ITGB6: variants seen among roughly 807,000 people sequenced by gnomAD.
ITGB6 encodes integrin beta-6.
A neutral mutation model predicts 84.5 loss-of-function variants in ITGB6; 80 were observed. The observed-to-expected ratio is 0.95, with a 90% CI of 0.79 to 1.14. The LOEUF is 1.14. Among genes scored for constraint, ITGB6 ranks in the 50% most tolerant of loss-of-function variants. The pLI is 0.00. For missense variants in ITGB6, 1,006 were observed against 968.0 expected (o/e 1.04, Z -0.52); for synonymous variants, 383 against 354.9 (o/e 1.08, Z -0.89).
Position 160,190,355 on chromosome 2 carries a change from T to TA in ITGB6, c.593+5013dup, listed in dbSNP as rs953349227. ...TGTACCCTAAAACTTAAAGTATAATTAAAAAAAAAACACTCTTTGTGATTG... is the reference window on the plus strand; with the variant it reads ...TGTACCCTAAAACTTAAAGTATAATTAAAAAAAAAAACACTCTTTGTGATTG... On this transcript the variant is annotated intron_variant, in intron 4 of 14. Transcript: ENST00000283249. Among the ~76,000 whole-genome samples the TA allele has an allele frequency of 2.1e-3, 310 of 147,614 alleles. 1 individual carries two copies. Among genetic ancestry groups the TA allele is most frequent in the African/African-American group, 6.0e-3 (240 of 40,328 alleles).
chr2:160,126,752 A>G (rs1683261904), intron 10 of ITGB6, 151 bp from the exon 11 acceptor site: 2 of 657,762 alleles, frequency 3.0e-6, no homozygotes, highest in Non-Finnish European at 2.6e-6. Context: ...GGGGTGCAGT[A>G]TGAGTGTAGA....
chr2:160,166,693 T>C (rs1685011487), intron 7 of ITGB6, among the ~76,000 whole-genome samples: 2 of 152,216 alleles, frequency 1.3e-5, no homozygotes, highest in African/African-American at 2.4e-5. Flanking sequence ...ATTATCATCA[T>C]TATCTTTCGA....
chr2:160,196,199 G>A lies in ITGB6; in HGVS notation c.346+17C>T. 1 of 1,608,106 alleles carries A rather than the reference G, an allele frequency of 6.2e-7. No individual in the cohort carries two copies. Among genetic ancestry groups the A allele is most frequent in the African/African-American group, 1.3e-5 (1 of 74,906 alleles). The stretch of plus-strand genomic sequence containing the variant: ...TATGACATTAGATCTATTTACATGA[G>A]CCAAATCCTAACATACCTGGTCTCA... On this transcript the variant is annotated intron_variant, in intron 3 of 14. Transcript: ENST00000283249.
In ITGB6 at chr2:160,101,826, A is replaced by G. The variant is rs1233314923; in HGVS notation, c.2277T>C (p.Asn759=). 6.8e-6 allele frequency: 10 copies of G among 1,478,332 alleles called. No individual in the cohort carries two copies. Among genetic ancestry groups the G allele is most frequent in the Non-Finnish European group, 9.1e-6 (10 of 1,101,346 alleles). 91.6% of individuals were successfully genotyped at this position (1,478,332 alleles called of 1,614,324 possible). Residue 759 remains asparagine, a synonymous_variant, in exon 15 of 15, where the codon AAT becomes AAC. Coordinates refer to ENST00000283249, the MANE Select transcript of ITGB6 (RefSeq NM_000888.5). ...TACTTGTGGATCCTCTGTAGAGTGG[A>G]TTGGTTCCCTGGAAAAAAAAAAAAG... ...RSKAKWQTGT[N]PLYRGSTSTF... is the part of the protein sequence containing the mutation.
At chr2:160,114,648 A>T (rs1305809565) in intron 12 of ITGB6, among the ~76,000 whole-genome samples, 1 of 152,164 alleles carries the variant, frequency 6.6e-6, no homozygotes, top group East Asian at 1.9e-4. Context: ...AGTGCCAGAC[A>T]GTGGGTGCAG....
At position 160,137,691 on chromosome 2, in the gene ITGB6, T is replaced by C. The variant is rs1277804797; in HGVS notation, c.1403A>G (p.His468Arg). Reference protein sequence around the residue: ...KEVEVNSSKCHHGNGSFQCGV... With the variant: ...KEVEVNSSKCRHGNGSFQCGV... ...ACACTGGAAAGAGCCGTTCCCGTGG[T>C]GACATTTGGAGCTGTTCACTTCCAC... The change falls in exon 10 of 15, where the codon CAC becomes CGC. Residue 468 changes from histidine (H) to arginine (R), a missense_variant. By Grantham distance (29) the His-to-Arg change is conservative. Transcript: ENST00000283249. The C allele has an allele frequency of 6.2e-7, 1 of 1,614,178 alleles. No individual in the cohort carries two copies. Among genetic ancestry groups the C allele is most frequent in the East Asian group, 2.2e-5 (1 of 44,880 alleles).
At chr2:160,172,466 A>T in intron 6 of ITGB6, 103 bp downstream of exon 6, 1 of 1,126,794 alleles carries the variant, frequency 8.9e-7, no homozygotes, top group African/African-American at 1.5e-5. Flanking sequence ...GAAAATGTGC[A>T]CTGCTTTCAC....
chr2:160,119,644 A>G (rs1177731111), intron 12 of ITGB6, among the ~76,000 whole-genome samples: 2 of 152,174 alleles, frequency 1.3e-5, no homozygotes, highest in Admixed American at 1.3e-4. Flanking sequence ...AGCAATGGCA[A>G]CAAAAGTCAA....
In ITGB6 at chr2:160,172,715, G is replaced by A. The variant is rs149747755; in HGVS notation, c.775C>T (p.Arg259Trp). The A allele has an allele frequency of 2.2e-5, 35 of 1,593,140 alleles. No homozygotes were observed. The East Asian group carries it at 3.2e-4, about 14-fold the overall frequency. Residue 259 changes from arginine to tryptophan, a missense_variant, in exon 6 of 15, where the codon CGG becomes TGG. Transcript: ENST00000283249. ...AAVCKEKIGWRNDSLHLLVFV... is the reference protein window; with the variant it reads ...AAVCKEKIGWWNDSLHLLVFV... ...ACCAGGAGGTGGAGGGAGTCATTCC[G>A]CCAGCCAATTTTTTCCTACAGTGAG...
intron 12 of ITGB6, among the ~76,000 whole-genome samples, chr2:160,123,406 C>G (rs772944949): frequency 2.0e-5 from 3 of 152,086 alleles, no homozygotes; most frequent in Non-Finnish European, 2.9e-5. Flanking sequence ...TTTATCTTAT[C>G]TTGAAATAAA....
rs1171286043 is a variant in ITGB6, at chr2:160,172,464, G to C, written c.921+105C>G. On this transcript the variant is annotated intron_variant, in intron 6 of 14. Transcript: ENST00000283249. ...TTGTTAATCCCACATTAGAAAATGT[G>C]CACTGCTTTCACCAAGTGTATGTTA... 13 of 1,095,318 alleles carry C rather than the reference G, an allele frequency of 1.2e-5. No individual in the cohort carries two copies. In the Admixed American group the frequency reaches 2.6e-4, roughly 22 times the overall value. The allele number at this position is 1,095,318 out of a possible 1,614,324, so 67.8% of individuals were successfully genotyped here.
At chr2:160,123,748 G>A (rs765248858) in intron 12 of ITGB6, 43 bp downstream of exon 12, 2 of 1,478,426 alleles carry the variant, frequency 1.4e-6, no homozygotes, top group African/African-American at 2.8e-5. Context: ...CGCCTCTCAA[G>A]AACTACATAA....
intron 6 of ITGB6, among the ~76,000 whole-genome samples, chr2:160,171,329 ATTTTTTTATTTTTT>A (rs1685191975): frequency 8.1e-6 from 1 of 123,932 alleles, no homozygotes; most frequent in South Asian, 2.7e-4. Flanking sequence ...AATCAAATTT[ATTTTTTTATTTTTT>A]TTTTTTTTGG....
rs141979947 is a variant in ITGB6, at chr2:160,125,240, C to T, written c.1883+1139G>A. Among the ~76,000 whole-genome samples the T allele has an allele frequency of 8.6e-4, 131 of 152,300 alleles. 1 individual carries two copies. Among genetic ancestry groups the T allele is most frequent in the African/African-American group, 3.0e-3 (124 of 41,560 alleles). On this transcript the variant is annotated intron_variant, in intron 11 of 14. Coordinates refer to ENST00000283249, the MANE Select transcript of ITGB6 (RefSeq NM_000888.5). ...CTTGGCATATAGTAGGCACTTAATA[C>T]CTCATTGATAAATGAATACATGCAT...
chr2:160,150,354 A>G (rs1684366039), intron 7 of ITGB6, among the ~76,000 whole-genome samples: 1 of 152,190 alleles, frequency 6.6e-6, no homozygotes. Context: ...ATCCAGCCAA[A>G]CTAAGCTTCA....
chr2:160,103,824 G>C (rs924397757), intron 14 of ITGB6, among the ~76,000 whole-genome samples: 9 of 152,102 alleles, frequency 5.9e-5, no homozygotes, highest in Admixed American at 2.6e-4. Context: ...AAAGACACTT[G>C]GAAAGAGGAC....
Position 160,138,077 on chromosome 2 carries a change from T to A in ITGB6, c.1230A>T (p.Lys410Asn). ...FQHQKKCSHM[K>N]VGDTASFSVT... The stretch of plus-strand genomic sequence containing the variant: ...GCCAGCTACTTACTGTGTCTCCCAC[T>A]TTCATGTGAGAGCATTTCTTTTGGT... The change falls in exon 9 of 15, where the codon AAA becomes AAT. Residue 410 changes from lysine to asparagine, a missense_variant. Physicochemically the swap from Lys to Asn is moderately conservative, Grantham distance 94 (BLOSUM62 0). Transcript: ENST00000283249. 1.2e-6 allele frequency: 2 copies of A among 1,612,778 alleles called. No homozygotes were observed. Among genetic ancestry groups the A allele is most frequent in the Non-Finnish European group, 8.5e-7 (1 of 1,179,534 alleles).
chr2:160,173,064 G>A (rs1172840602), intron 5 of ITGB6, among the ~76,000 whole-genome samples: 1 of 152,074 alleles, frequency 6.6e-6, no homozygotes, highest in Non-Finnish European at 1.5e-5. Context: ...AGCAGAGGAG[G>A]TCATAGATGG....
chr2:160,188,541 T>C (rs528615782), intron 4 of ITGB6, among the ~76,000 whole-genome samples: 2 of 152,290 alleles, frequency 1.3e-5, no homozygotes, highest in African/African-American at 4.8e-5. Context: ...GTACCTCTTA[T>C]TTATTGAGAA....
Sources: allele counts gnomAD v4.1 joint callset (sites outside exome capture counted in the v4.1 genomes callset), GRCh38; gene constraint gnomAD v4.1.1; transcripts MANE v1.5; gene names NCBI Gene and HGNC (gene_info 2026-07-23, HGNC 2026-07-21).